COL25A1: variants seen among roughly 807,000 people sequenced by gnomAD.
COL25A1 encodes collagen type XXV alpha 1 chain, also known as collagen alpha-1(XXV) chain.
A neutral mutation model predicts 128.4 loss-of-function variants in COL25A1; 103 were observed. The observed-to-expected ratio is 0.80, with a 90% confidence interval of 0.68 to 0.94. COL25A1 has a LOEUF of 0.94. Ranked by LOEUF, COL25A1 falls within the 40% of genes least tolerant of loss-of-function variation. The pLI is 0.00. For synonymous variants in COL25A1, 279 were observed against 277.2 expected, an observed-to-expected ratio of 1.01 and a Z score of -0.06; for missense variants, 745 against 840.0, an observed-to-expected ratio of 0.89 and a Z score of 1.40.
chr4:109,020,610 C>T (rs935989148), intron 5 of COL25A1, among the ~76,000 whole-genome samples: 3 of 151,918 alleles, frequency 2.0e-5, no homozygotes, highest in Admixed American at 6.6e-5. Flanking sequence ...AAAATCTACT[C>T]ATGTTTAAAC....
chr4:109,115,563 T>C (rs1470118655), intron 3 of COL25A1, among the ~76,000 whole-genome samples: 1 of 152,100 alleles, frequency 6.6e-6, no homozygotes, highest in Non-Finnish European at 1.5e-5. Context: ...TTCTTCTATG[T>C]TGTAACATCC....
chr4:109,116,428 A>G (rs1767565225), intron 3 of COL25A1, among the ~76,000 whole-genome samples: 1 of 152,060 alleles, frequency 6.6e-6, no homozygotes, highest in Non-Finnish European at 1.5e-5. Context: ...ATCCTACTTA[A>G]GGGAAAGGGG....
chr4:109,112,745 A>C (rs1273453207), intron 3 of COL25A1, among the ~76,000 whole-genome samples: 1 of 152,142 alleles, frequency 6.6e-6, no homozygotes, highest in Non-Finnish European at 1.5e-5. Flanking sequence ...CAAAGTGAAC[A>C]AGTATATAAT....
At chr4:109,180,072 T>G (rs1237067404) in intron 3 of COL25A1, among the ~76,000 whole-genome samples, 1 of 152,194 alleles carries the variant, frequency 6.6e-6, no homozygotes, top group African/African-American at 2.4e-5. Flanking sequence ...TGGAAATACG[T>G]CTGGTTAGAG....
At chr4:109,050,055 A>G in intron 4 of COL25A1, 80 bp downstream of exon 4, 1 of 1,156,952 alleles carries the variant, frequency 8.6e-7, no homozygotes, top group South Asian at 1.4e-5. Flanking sequence ...ACAAGACAAT[A>G]TTATCATTAA....
chr4:109,126,148 T>C (rs1349601010), intron 3 of COL25A1, among the ~76,000 whole-genome samples: 1 of 152,162 alleles, frequency 6.6e-6, no homozygotes, highest in Non-Finnish European at 1.5e-5. Flanking sequence ...TTTTTTTAAA[T>C]CCCCAATGTT....
chr4:109,048,018 C>T (rs1314463849), intron 5 of COL25A1, 150 bp downstream of exon 5: 1 of 789,310 alleles, frequency 1.3e-6, no homozygotes, highest in African/African-American at 1.8e-5. Flanking sequence ...AGGCGTGAGC[C>T]ACCGCGACTG....
At position 108,819,307 on chromosome 4, in the gene COL25A1, T is replaced by A; in HGVS notation, c.1868A>T (p.Glu623Val). Residue 623 changes from glutamate to valine, a missense_variant, in exon 36 of 38, where the codon GAA becomes GTA. By Grantham distance (121) the Glu-to-Val change is moderately radical. Transcript: ENST00000399132. Reference protein sequence around the residue: ...GEKGFRGVKGEKGEPGQPGLD... With the variant: ...GEKGFRGVKGVKGEPGQPGLD... ...GCCAGGCTGGCCTGGCTCCCCTTTTTCCCCCTTAACGCCACGGAATCCCTG... is the reference window on the plus strand; with the variant it reads ...GCCAGGCTGGCCTGGCTCCCCTTTTACCCCCTTAACGCCACGGAATCCCTG... 6.2e-7 allele frequency: 1 copy of A among 1,613,346 alleles called. No homozygotes were observed. Among genetic ancestry groups the A allele is most frequent in the Admixed American group, 1.7e-5 (1 of 59,834 alleles).
intron 13 of COL25A1, among the ~76,000 whole-genome samples, chr4:108,902,580 A>C (rs1742969554): frequency 6.6e-6 from 1 of 152,036 alleles, no homozygotes; most frequent in Non-Finnish European, 1.5e-5. Context: ...TATAACCTAC[A>C]TAGAGATGAT....
intron 8 of COL25A1, among the ~76,000 whole-genome samples, chr4:108,962,138 T>C (rs769217033): frequency 1.4e-4 from 21 of 152,074 alleles, no homozygotes; most frequent in Admixed American, 8.5e-4. Flanking sequence ...GCCATGGCAA[T>C]TTCTCTCTCT....
intron 3 of COL25A1, among the ~76,000 whole-genome samples, chr4:109,197,913 T>C (rs1776251387): frequency 6.6e-6 from 1 of 152,138 alleles, no homozygotes. Context: ...TAAACTAAGA[T>C]GAATAATATA....
At chr4:108,889,581 G>T in intron 17 of COL25A1, 120 bp downstream of exon 17, 1 of 848,258 alleles carries the variant, frequency 1.2e-6, no homozygotes, top group African/African-American at 1.7e-5. Context: ...CCCAGTTATT[G>T]TAGGAGAATA....
intron 8 of COL25A1, among the ~76,000 whole-genome samples, chr4:108,947,267 C>G (rs558046521): frequency 7.9e-5 from 12 of 152,078 alleles, no homozygotes; most frequent in African/African-American, 2.9e-4. Flanking sequence ...CATGGTGAAA[C>G]CCCGTCCCTA....
At chr4:108,966,262 T>C (rs1264618836) in intron 8 of COL25A1, among the ~76,000 whole-genome samples, 2 of 152,148 alleles carry the variant, frequency 1.3e-5, no homozygotes, top group African/African-American at 2.4e-5. Context: ...TCCATTCATA[T>C]GTTTTCTGTT....
chr4:109,292,214 G>A (rs1013723098), intron 3 of COL25A1, among the ~76,000 whole-genome samples: 1 of 152,044 alleles, frequency 6.6e-6, no homozygotes, highest in Non-Finnish European at 1.5e-5. Context: ...GTCAATCAGT[G>A]TAGCTAACAT....
chr4:109,199,924 T>C (rs1776418709), intron 3 of COL25A1, among the ~76,000 whole-genome samples: 1 of 152,204 alleles, frequency 6.6e-6, no homozygotes, highest in Non-Finnish European at 1.5e-5. Flanking sequence ...ACCTATTACA[T>C]AATATACATG....
chr4:108,834,425 G>C, intron 31 of COL25A1: 1 of 1,546,128 alleles, frequency 6.5e-7, no homozygotes, highest in Non-Finnish European at 8.7e-7. Flanking sequence ...GTTGGTGGGT[G>C]TAACACGAAT....
intron 13 of COL25A1, among the ~76,000 whole-genome samples, chr4:108,912,936 T>A (rs1744405884): frequency 1.3e-5 from 2 of 152,162 alleles, no homozygotes; most frequent in Non-Finnish European, 2.9e-5. Flanking sequence ...TACTTAAAAA[T>A]CACTTAGCTA....
chr4:109,090,785 T>C (rs902790955), intron 3 of COL25A1, among the ~76,000 whole-genome samples: 3 of 152,184 alleles, frequency 2.0e-5, no homozygotes, highest in African/African-American at 4.8e-5. Flanking sequence ...CATGATGTGA[T>C]GTAACTACTT....
Sources: allele counts gnomAD v4.1 joint callset (sites outside exome capture counted in the v4.1 genomes callset), GRCh38; gene constraint gnomAD v4.1.1; transcripts MANE v1.5; gene names NCBI Gene and HGNC (gene_info 2026-07-23, HGNC 2026-07-21).